Variants in LRRC4C observed in about 807,000 individuals in gnomAD.
LRRC4C encodes leucine-rich repeat-containing protein 4C.
LRRC4C carries 5 observed loss-of-function variants against 33.6 expected under a neutral mutation model. The observed-to-expected ratio is 0.15, with a 90% confidence interval of 0.08 to 0.31. The LOEUF (loss-of-function observed/expected upper bound fraction) is 0.31, where lower values mean the gene tolerates loss of function less well. Among genes scored for constraint, LRRC4C ranks in the 10% least tolerant of loss-of-function variants. The pLI, the probability that LRRC4C is intolerant of heterozygous loss-of-function variation, is 1.00. For missense variants in LRRC4C, 560 were observed against 796.7 expected, an observed-to-expected ratio of 0.70 and a Z score of 3.58; for synonymous variants, 329 against 302.0, an observed-to-expected ratio of 1.09 and a Z score of -0.93.
At chr11:40,830,563 A>T (rs1283463056) in intron 2 of LRRC4C, among the ~76,000 whole-genome samples, 1 of 152,112 alleles carries the variant, frequency 6.6e-6, no homozygotes, top group Non-Finnish European at 1.5e-5. Context: ...TAAGTTCTTT[A>T]CGAAAAATAA....
At position 40,691,613 on chromosome 11, in the gene LRRC4C, T is replaced by C. The variant is rs575785764; in HGVS notation, c.-406-43335A>G. ...AATGAGGTTAATCACTTCTCCACAA[T>C]GGTGAGCTTAGAGGAAAGCCTTTGA... is the stretch of plus-strand genomic sequence containing the variant. On this transcript the variant is annotated intron_variant, in intron 2 of 6. Coordinates refer to ENST00000528697, the MANE Select transcript of LRRC4C (RefSeq NM_001258419.2). 7.2e-5 allele frequency among the ~76,000 whole-genome samples: 11 copies of C among 152,172 alleles called. No individual in the cohort carries two copies. In the South Asian group the frequency reaches 2.3e-3, roughly 32 times the overall value.
At chr11:40,601,167 C>A (rs1003587420) in intron 3 of LRRC4C, among the ~76,000 whole-genome samples, 1 of 152,194 alleles carries the variant, frequency 6.6e-6, no homozygotes, top group Non-Finnish European at 1.5e-5. Context: ...CTGCTTCTCA[C>A]CAAGTATCAT....
chr11:41,301,644 A>G (rs1950292172), intron 1 of LRRC4C, among the ~76,000 whole-genome samples: 1 of 152,138 alleles, frequency 6.6e-6, no homozygotes. Context: ...ACTGGATGCT[A>G]TTTCTGTCAG....
intron 3 of LRRC4C, among the ~76,000 whole-genome samples, chr11:40,553,896 T>C (rs747023254): frequency 9.9e-5 from 15 of 151,986 alleles, no homozygotes; most frequent in Non-Finnish European, 1.8e-4. Context: ...AGGTTGCCTG[T>C]GTGCTCTGTT....
chr11:40,190,394 CT>C (rs1205942020), intron 5 of LRRC4C, among the ~76,000 whole-genome samples: 1 of 152,140 alleles, frequency 6.6e-6, no homozygotes, highest in East Asian at 1.9e-4. Context: ...TTAAAAGCTC[CT>C]CCAGAAGATT....
intron 1 of LRRC4C, among the ~76,000 whole-genome samples, chr11:41,030,110 A>G (rs1041140706): frequency 1.3e-5 from 2 of 151,876 alleles, no homozygotes; most frequent in African/African-American, 4.8e-5. Context: ...TTAAATTGCC[A>G]TCTATCATAA....
chr11:41,005,529 G>A lies in LRRC4C; in HGVS notation c.-495-71806C>T, dbSNP rs144808065. 1.7e-3 allele frequency among the ~76,000 whole-genome samples: 261 copies of A among 152,198 alleles called. 1 individual carries two copies. Among genetic ancestry groups the A allele is most frequent in the African/African-American group, 5.9e-3 (245 of 41,544 alleles). ...TGAGGCAAGAGAATTGCTTGAACCCGGGAGGTGGAGGTTGCAGTGAGCCGA... is the reference window on the plus strand; with the variant it reads ...TGAGGCAAGAGAATTGCTTGAACCCAGGAGGTGGAGGTTGCAGTGAGCCGA... On this transcript the variant is annotated intron_variant, in intron 1 of 6. Coordinates refer to ENST00000528697, the MANE Select transcript of LRRC4C (RefSeq NM_001258419.2).
intron 2 of LRRC4C, among the ~76,000 whole-genome samples, chr11:40,703,636 A>G (rs1945994317): frequency 6.6e-6 from 1 of 152,150 alleles, no homozygotes; most frequent in Admixed American, 6.5e-5. Flanking sequence ...TATTTAGTTA[A>G]TTAGGAGAAA....
At chr11:40,142,825 C>T (rs1857464212) in intron 5 of LRRC4C, among the ~76,000 whole-genome samples, 1 of 152,176 alleles carries the variant, frequency 6.6e-6, no homozygotes, top group Admixed American at 6.5e-5. Flanking sequence ...AGCAGGCTTG[C>T]AGACTTGTAT....
intron 1 of LRRC4C, among the ~76,000 whole-genome samples, chr11:41,018,894 G>A (rs532101884): frequency 1.9e-4 from 29 of 152,182 alleles, no homozygotes; most frequent in African/African-American, 7.0e-4. Flanking sequence ...TGATATTGAG[G>A]TGCAATTTAT....
intron 3 of LRRC4C, among the ~76,000 whole-genome samples, chr11:40,538,306 C>A (rs1302152249): frequency 6.6e-6 from 1 of 152,032 alleles, no homozygotes; most frequent in Non-Finnish European, 1.5e-5. Flanking sequence ...ACACAGGCCC[C>A]AGTGTGTGAT....
intron 1 of LRRC4C, among the ~76,000 whole-genome samples, chr11:40,941,933 C>T (rs1565224707): frequency 6.6e-6 from 1 of 151,980 alleles, no homozygotes; most frequent in Non-Finnish European, 1.5e-5. Context: ...TAGTTCAAGT[C>T]CATCAAGAAG....
chr11:40,771,507 G>A (rs1287676494), intron 2 of LRRC4C, among the ~76,000 whole-genome samples: 4 of 152,116 alleles, frequency 2.6e-5, no homozygotes, highest in Non-Finnish European at 5.9e-5. Flanking sequence ...ATTAACATTC[G>A]GCTCCTCATG....
intron 2 of LRRC4C, among the ~76,000 whole-genome samples, chr11:40,787,589 TCTAC>T (rs1273430232): frequency 6.6e-6 from 1 of 152,220 alleles, no homozygotes; most frequent in Non-Finnish European, 1.5e-5. Flanking sequence ...GTAAACTTAT[TCTAC>T]ATTTTATTGT....
At chr11:40,365,320 G>A (rs567282626) in intron 3 of LRRC4C, among the ~76,000 whole-genome samples, 132 of 152,100 alleles carry the variant, frequency 8.7e-4, no homozygotes, top group African/African-American at 3.1e-3. Context: ...CTCTTGATAG[G>A]AGGGTACACT....
chr11:41,058,427 A>G (rs1858803256), intron 1 of LRRC4C, among the ~76,000 whole-genome samples: 1 of 152,210 alleles, frequency 6.6e-6, no homozygotes, highest in South Asian at 2.1e-4. Flanking sequence ...TTACTGTTCC[A>G]TGCCTGACTT....
At chr11:40,362,353 C>CA (rs1261573772) in intron 3 of LRRC4C, among the ~76,000 whole-genome samples, 1 of 151,838 alleles carries the variant, frequency 6.6e-6, no homozygotes. Context: ...AAAAAATTTG[C>CA]AAATTATACA....
intron 1 of LRRC4C, among the ~76,000 whole-genome samples, chr11:41,336,128 C>G (rs1951443891): frequency 6.6e-6 from 1 of 152,034 alleles, no homozygotes; most frequent in African/African-American, 2.4e-5. Flanking sequence ...TAGATGAAGT[C>G]TTTCCTGAAG....
intron 3 of LRRC4C, among the ~76,000 whole-genome samples, chr11:40,326,375 A>G (rs1460162333): frequency 6.6e-6 from 1 of 152,068 alleles, no homozygotes; most frequent in Non-Finnish European, 1.5e-5. Context: ...CAGCCTGGAC[A>G]TGATGGTGAA....
Sources: allele counts gnomAD v4.1 joint callset (sites outside exome capture counted in the v4.1 genomes callset), GRCh38; gene constraint gnomAD v4.1.1; transcripts MANE v1.5; gene names NCBI Gene and HGNC (gene_info 2026-07-23, HGNC 2026-07-21).